The following OTOGL variants were observed in gnomAD, a reference collection of about 807,000 sequenced individuals.
OTOGL encodes otogelin-like protein.
In OTOGL, 285 loss-of-function variants were observed where a neutral mutation model predicts 318.5. The observed-to-expected ratio is 0.89, with a 90% CI of 0.81 to 0.99. OTOGL has a LOEUF of 0.99. Ranked by LOEUF, OTOGL falls within the 50% of genes least tolerant of loss-of-function variation. The pLI is 0.00. For synonymous variants in OTOGL, 987 were observed against 936.5 expected (o/e 1.05, Z -0.99); for missense variants, 2,899 against 2,845.6 (o/e 1.02, Z -0.43).
chr12:80,206,406 A>G (rs1347529059), intron 1 of OTOGL, among the ~76,000 whole-genome samples: 4 of 152,310 alleles, frequency 2.6e-5, no homozygotes, highest in Admixed American at 6.5e-5. Context: ...CATTTTTCCT[A>G]CTATGAGCCT....
chr12:80,185,087 C>T (rs1227128130), intron 1 of OTOGL, among the ~76,000 whole-genome samples: 1 of 152,130 alleles, frequency 6.6e-6, no homozygotes, highest in African/African-American at 2.4e-5. Context: ...CAAGACACTG[C>T]CCCGGATGCC....
chr12:80,170,938 C>A (rs776219278), intron 1 of OTOGL, among the ~76,000 whole-genome samples: 1 of 152,152 alleles, frequency 6.6e-6, no homozygotes, highest in Non-Finnish European at 1.5e-5. Context: ...CCTCAGATTT[C>A]TTTGTCTAAT....
At position 80,153,620 on chromosome 12, in the gene OTOGL, A is replaced by C. The variant is rs1204444078; in HGVS notation, c.-20+54015A>C. On this transcript the variant is annotated intron_variant, in intron 1 of 58. Transcript: ENST00000547103. ...GGTGTTATACACTCTATGGGTTTGT[A>C]CAAATATATAATGATATATTTTCAC... is the stretch of plus-strand genomic sequence containing the variant. 5.3e-5 allele frequency among the ~76,000 whole-genome samples: 8 copies of C among 152,342 alleles called. No homozygotes were observed. The East Asian group carries it at 1.5e-3, about 29-fold the overall frequency.
In OTOGL at chr12:80,123,723, T is replaced by C. The variant is rs528383381; in HGVS notation, c.-20+24118T>C. Among the ~76,000 whole-genome samples, 13 of 152,214 alleles carry C rather than the reference T, an allele frequency of 8.5e-5. No homozygotes were observed. The South Asian group carries it at 2.5e-3, about 29-fold the overall frequency. On this transcript the variant is annotated intron_variant, in intron 1 of 58. Transcript: ENST00000547103. ...TGTTGTTTCCTGACTTTTTAATGAT[T>C]GCCATTCTAACTGGTGTGAGATGGT...
chr12:80,159,683 A>G (rs1259211920), intron 1 of OTOGL, among the ~76,000 whole-genome samples: 25 of 152,150 alleles, frequency 1.6e-4, no homozygotes, highest in Admixed American at 1.6e-3. Flanking sequence ...ACCAAAAGCA[A>G]TCTACAAATT....
intron 1 of OTOGL, among the ~76,000 whole-genome samples, chr12:80,100,769 G>A (rs1371563321): frequency 6.6e-6 from 1 of 152,080 alleles, no homozygotes; most frequent in Non-Finnish European, 1.5e-5. Flanking sequence ...GATTCAGACT[G>A]GCTGTAGACA....
rs1210209097 is a variant in OTOGL at position 80,238,957 on chromosome 12, C to A, written c.924C>A (p.Ser308=). 1.9e-6 allele frequency: 3 copies of A among 1,597,436 alleles called. No homozygotes were observed. Among genetic ancestry groups the A allele is most frequent in the Non-Finnish European group, 2.5e-6 (3 of 1,178,980 alleles). The change falls in exon 10 of 59, where the codon TCC becomes TCA. Residue 308 remains serine (S), a synonymous_variant. Transcript: ENST00000547103. ...LTPSDFPNPC[S]SGMPAFEAIF... is the part of the protein sequence containing the mutation. Reference sequence around the variant, plus strand: ...CCTCAGATTTTCCAAATCCGTGCTCCAGTGGAATGCCAGCATTTGAGGTAA... The same window carrying A: ...CCTCAGATTTTCCAAATCCGTGCTCAAGTGGAATGCCAGCATTTGAGGTAA...
At position 80,255,194 on chromosome 12, in the gene OTOGL, A is replaced by T. The variant is rs907661632; in HGVS notation, c.1587+9A>T. On this transcript the variant is annotated intron_variant, in intron 16 of 58. Transcript: ENST00000547103. ...AAGCTCCCTGTGAGCAGGTAAGAACATTTCAAAATGACCAGAGGAATATGG... is the reference window on the plus strand; with the variant it reads ...AAGCTCCCTGTGAGCAGGTAAGAACTTTTCAAAATGACCAGAGGAATATGG... The T allele has an allele frequency of 6.9e-6, 10 of 1,443,254 alleles. No individual in the cohort carries two copies. The highest frequency in any genetic ancestry group is 9.1e-6 in the Non-Finnish European group (10 of 1,099,304). The allele number at this position is 1,443,254 out of a possible 1,614,324, so 89.4% of individuals were successfully genotyped here.
At position 80,356,418 on chromosome 12, in the gene OTOGL, T is replaced by A. The variant is rs1889902175; in HGVS notation, c.5809T>A (p.Cys1937Ser). Residue 1937 changes from cysteine to serine, a missense_variant and splice_region_variant, in exon 48 of 59, where the codon TGT (cysteine) becomes AGT (serine). By Grantham distance (112) the Cys-to-Ser change is moderately radical (BLOSUM62 -1). Transcript: ENST00000547103. ...WTCCSKEVCGCDTTLCETSIP... is the reference protein window; with the variant it reads ...WTCCSKEVCGSDTTLCETSIP... ...TTAACAGTTTTTCTTATTTATAGGA[T>A]GTGACACGACTTTGTGTGAAACTAG... 6.2e-7 allele frequency: 1 copy of A among 1,607,004 alleles called. No homozygotes were observed. Among genetic ancestry groups the A allele is most frequent in the African/African-American group, 1.3e-5 (1 of 74,620 alleles).
intron 1 of OTOGL, among the ~76,000 whole-genome samples, chr12:80,166,885 GA>G: frequency 6.6e-6 from 1 of 152,134 alleles, no homozygotes; most frequent in Middle Eastern, 3.4e-3. Context: ...TCAGAGGGCA[GA>G]AAAAAATGCT....
At chr12:80,154,627 A>G (rs1873003155) in intron 1 of OTOGL, among the ~76,000 whole-genome samples, 1 of 152,162 alleles carries the variant, frequency 6.6e-6, no homozygotes, top group Admixed American at 6.5e-5. Flanking sequence ...GCTTCAGTTT[A>G]CCTTTTAACA....
intron 46 of OTOGL, among the ~76,000 whole-genome samples, 198 bp downstream of exon 46, chr12:80,353,708 T>A (rs1165649616): frequency 6.6e-6 from 1 of 152,194 alleles, no homozygotes; most frequent in Non-Finnish European, 1.5e-5. Flanking sequence ...GGTAATATGT[T>A]TTAATCTTTA....
Position 80,118,268 on chromosome 12 carries a change from C to T in OTOGL, c.-20+18663C>T, listed in dbSNP as rs1040003297. Among the ~76,000 whole-genome samples the T allele has an allele frequency of 2.0e-5, 3 of 152,158 alleles. No individual in the cohort carries two copies. In the East Asian group the frequency reaches 5.8e-4, roughly 29 times the overall value. On this transcript the variant is annotated intron_variant, in intron 1 of 58. Coordinates refer to ENST00000547103, the MANE Select transcript of OTOGL (RefSeq NM_001378609.3). Reference sequence around the variant, plus strand: ...CCATGTTTTGTGCTCCTAGATTGAGCTCTTTGATCATACAAATCTATGGAA... The same window carrying T: ...CCATGTTTTGTGCTCCTAGATTGAGTTCTTTGATCATACAAATCTATGGAA...
At chr12:80,204,494 A>G (rs1423608376) in intron 1 of OTOGL, among the ~76,000 whole-genome samples, 1 of 152,208 alleles carries the variant, frequency 6.6e-6, no homozygotes, top group Non-Finnish European at 1.5e-5. Flanking sequence ...ACAGTTATTT[A>G]TTTTGAAGAA....
intron 26 of OTOGL, among the ~76,000 whole-genome samples, chr12:80,279,752 T>C (rs949410447): frequency 1.3e-5 from 2 of 151,744 alleles, no homozygotes; most frequent in African/African-American, 4.8e-5. Flanking sequence ...AATGAATGTA[T>C]GCATACATGT....
chr12:80,159,156 C>T (rs934731286), intron 1 of OTOGL, among the ~76,000 whole-genome samples: 20 of 151,964 alleles, frequency 1.3e-4, no homozygotes, highest in Non-Finnish European at 2.8e-4. Flanking sequence ...GTATGTTAAA[C>T]CATCCCTGCA....
intron 1 of OTOGL, among the ~76,000 whole-genome samples, chr12:80,204,698 A>G (rs1238197577): frequency 6.8e-6 from 1 of 147,506 alleles, no homozygotes; most frequent in East Asian, 1.9e-4. Context: ...TTAATAAAAT[A>G]GTCAACCATG....
intron 1 of OTOGL, among the ~76,000 whole-genome samples, chr12:80,144,440 T>A (rs1191503130): frequency 6.7e-6 from 1 of 149,802 alleles, no homozygotes; most frequent in Non-Finnish European, 1.5e-5. Context: ...CACATTTTCT[T>A]AATCCGGTCT....
At chr12:80,340,957 G>C in intron 43 of OTOGL, among the ~76,000 whole-genome samples, 1 of 106,634 alleles carries the variant, frequency 9.4e-6, no homozygotes, top group African/African-American at 3.5e-5. Context: ...TTTTTTTAAT[G>C]TTTAATTGCA....
Sources: gnomAD v4.1 joint callset for allele counts (sites outside exome capture counted in the v4.1 genomes callset) on GRCh38, gnomAD v4.1.1 for gene constraint, MANE v1.5 for transcripts, NCBI Gene and HGNC (gene_info 2026-07-23, HGNC 2026-07-21) for gene names.